The following DNAH5 variants were observed in gnomAD, a reference collection of about 807,000 sequenced individuals.
DNAH5 encodes dynein axonemal heavy chain 5.
Under a neutral mutation model 518.2 loss-of-function variants are expected in DNAH5, and 372 were observed. The ratio of observed to expected loss-of-function variants is 0.72; its 90% confidence interval spans 0.66 to 0.78. The LOEUF is 0.78. Among genes scored for constraint, DNAH5 ranks in the 30% least tolerant of loss-of-function variants. The pLI, the probability that DNAH5 is intolerant of heterozygous loss-of-function variation, is 0.00. For synonymous variants in DNAH5, 2,039 were observed against 2,025.9 expected (o/e 1.01, Z -0.17); for missense variants, 5,523 against 5,687.0 (o/e 0.97, Z 0.93).
At position 13,830,078 on chromosome 5, in the gene DNAH5, G is replaced by A. The variant is rs77147480; in HGVS notation, c.6197C>T (p.Thr2066Ile). The A allele has an allele frequency of 5.6e-6, 9 of 1,613,874 alleles. No individual in the cohort carries two copies. In the East Asian group the frequency reaches 1.3e-4, roughly 24 times the overall value. Residue 2066 changes from threonine (T) to isoleucine (I), a missense_variant, in exon 37 of 79, where the codon ACT (threonine) becomes ATT (isoleucine). This residue lies in a region of DNAH5 where 5,121 missense variants were observed against 5,223.3 expected (regional missense o/e 0.98). Transcript: ENST00000265104. ...GTTCATAGTCACATTATCTCCATCA[G>A]TAAAGATAAAAGACTTTTTGTGCTC... ...KKEHKKSFIF[T>I]DGDNVTMNPE...
intron 1 of DNAH5, among the ~76,000 whole-genome samples, chr5:14,007,103 C>T (rs1366852414): frequency 6.6e-6 from 1 of 152,218 alleles, no homozygotes; most frequent in African/African-American, 2.4e-5. Context: ...CTGTTTCTTC[C>T]CTGACATATC....
chr5:13,881,487 A>C (rs1304103230), intron 21 of DNAH5, among the ~76,000 whole-genome samples: 1 of 152,052 alleles, frequency 6.6e-6, no homozygotes, highest in African/African-American at 2.4e-5. Flanking sequence ...AGCGTATGAA[A>C]CTAGAAATCA....
At chr5:13,895,433 G>A (rs748573948) in intron 15 of DNAH5, among the ~76,000 whole-genome samples, 12 of 152,112 alleles carry the variant, frequency 7.9e-5, no homozygotes, top group African/African-American at 2.7e-4. Context: ...GCAGAAACAC[G>A]GGAATGGCAC....
intron 78 of DNAH5, among the ~76,000 whole-genome samples, chr5:13,696,114 C>G (rs1741356267): frequency 6.6e-6 from 1 of 152,186 alleles, no homozygotes. Flanking sequence ...TTCTTAGATA[C>G]ACTTTTTCCT....
intron 60 of DNAH5, among the ~76,000 whole-genome samples, chr5:13,761,810 C>T (rs140291434): frequency 5.9e-5 from 9 of 152,232 alleles, no homozygotes; most frequent in African/African-American, 2.2e-4. Context: ...GACTCTTTGT[C>T]CCTTTAGGTT....
At chr5:13,761,271 GCATCATGAACTTAACTGTAGTTCTCTTT>G (rs1751731738) in intron 60 of DNAH5, among the ~76,000 whole-genome samples, 1 of 152,154 alleles carries the variant, frequency 6.6e-6, no homozygotes, top group Non-Finnish European at 1.5e-5. Context: ...AAAAAACTAT[GCATCATGAACTTAACTGTAGTTCTCTTT>G]AAGACACTAT....
chr5:13,712,505 A>C (rs1307768077), intron 75 of DNAH5, among the ~76,000 whole-genome samples: 2 of 152,258 alleles, frequency 1.3e-5, no homozygotes, highest in Non-Finnish European at 2.9e-5. Context: ...TTGCATGGCA[A>C]AAGGAACAGT....
At chr5:13,822,115 C>G (rs1017797736) in intron 40 of DNAH5, among the ~76,000 whole-genome samples, 1 of 151,812 alleles carries the variant, frequency 6.6e-6, no homozygotes, top group African/African-American at 2.4e-5. Context: ...TTAAAATTAG[C>G]CAAAAGATGA....
chr5:13,691,539 C>T lies in DNAH5; in HGVS notation c.*445G>A, dbSNP rs139979856. The T allele has an allele frequency of 4.6e-4, 74 of 159,618 alleles. No individual in the cohort carries two copies. The highest frequency in any genetic ancestry group is 8.3e-4 in the Non-Finnish European group (60 of 72,584). The allele number at this position is 159,618 out of a possible 1,614,324, so 9.9% of individuals were successfully genotyped here. On this transcript the variant is annotated 3_prime_UTR_variant, in exon 79 of 79. Transcript: ENST00000265104. ...TGCTTGAAACCCTGAAAATAAGTCT[C>T]TTAACTTGACCTAAATACGAAAGGC...
intron 3 of DNAH5, among the ~76,000 whole-genome samples, chr5:13,926,067 T>C (rs998908609): frequency 2.0e-5 from 3 of 152,098 alleles, no homozygotes; most frequent in Admixed American, 2.0e-4. Flanking sequence ...ATAAGGCAGA[T>C]AGAGAGAAAC....
intron 22 of DNAH5, among the ~76,000 whole-genome samples, chr5:13,873,295 T>C (rs1770402970): frequency 1.3e-5 from 2 of 152,190 alleles, no homozygotes; most frequent in South Asian, 4.1e-4. Context: ...CTGTAATTAC[T>C]ATAGTGTTAT....
intron 47 of DNAH5, among the ~76,000 whole-genome samples, chr5:13,806,154 T>C (rs1759547917): frequency 6.6e-6 from 1 of 152,130 alleles, no homozygotes. Context: ...TAACAAAAGC[T>C]CTTTAATTGT....
In DNAH5 at chr5:13,885,950, A is replaced by G. The variant is rs145043911; in HGVS notation, c.2743+14T>C. ...CATAGAAAAACAAGACCCTTTCATT[A>G]CCCCATCTCTTACCTGAACTTTCAT... is the stretch of plus-strand genomic sequence containing the variant. On this transcript the variant is annotated intron_variant, in intron 18 of 78. Coordinates refer to ENST00000265104, the MANE Select transcript of DNAH5 (RefSeq NM_001369.3). 38 of 1,610,094 alleles carry G rather than the reference A, an allele frequency of 2.4e-5. No homozygotes were observed. The African/African-American group carries it at 4.4e-4, about 19-fold the overall frequency.
At chr5:13,770,654 G>T in intron 56 of DNAH5, 95 bp downstream of exon 56, 1 of 1,059,110 alleles carries the variant, frequency 9.4e-7, no homozygotes, top group Non-Finnish European at 1.4e-6. Context: ...TACACAAAAT[G>T]TCTCCGGTCA....
intron 35 of DNAH5, among the ~76,000 whole-genome samples, chr5:13,835,286 A>AAAT (rs1387189887): frequency 6.6e-6 from 1 of 151,982 alleles, no homozygotes. Flanking sequence ...CTCAAAAAAA[A>AAAT]AAAATAGTAG....
At chr5:13,973,917 C>T (rs768564565) in intron 1 of DNAH5, among the ~76,000 whole-genome samples, 2 of 152,180 alleles carry the variant, frequency 1.3e-5, no homozygotes, top group East Asian at 1.9e-4. Flanking sequence ...GTCTGACTTC[C>T]GACTGACGTC....
At chr5:13,818,960 A>T (rs1315415805) in intron 41 of DNAH5, among the ~76,000 whole-genome samples, 2 of 152,238 alleles carry the variant, frequency 1.3e-5, no homozygotes, top group Non-Finnish European at 2.9e-5. Flanking sequence ...AACCAAGTTC[A>T]TAAACAGCAA....
intron 62 of DNAH5, 103 bp downstream of exon 62, chr5:13,754,100 C>A: frequency 7.4e-7 from 1 of 1,359,302 alleles, no homozygotes; most frequent in Non-Finnish European, 1.1e-6. Context: ...CATATGTATA[C>A]ATGCGCCATG....
At chr5:13,944,315 T>G in intron 1 of DNAH5, 67 bp downstream of exon 1, 1 of 1,545,350 alleles carries the variant, frequency 6.5e-7, no homozygotes. Context: ...AGTTTGTTTT[T>G]TCCACCCAGG....
Sources: allele counts gnomAD v4.1 joint callset (sites outside exome capture counted in the v4.1 genomes callset), GRCh38; gene constraint gnomAD v4.1.1; regional missense constraint gnomAD v4.1.1; transcripts MANE v1.5; gene names NCBI Gene and HGNC (gene_info 2026-07-23, HGNC 2026-07-21).